The following ARB2A variants were observed in gnomAD, a reference collection of about 807,000 sequenced individuals.
The protein encoded by ARB2A is ARB2 cotranscriptional regulator A.
chr5:93,763,938 C>T, the ARB2A span, among the ~76,000 whole-genome samples: 1 of 152,154 alleles, frequency 6.6e-6, no homozygotes, highest in African/African-American at 2.4e-5. Context: ...CAACCTGCTC[C>T]TGAATGACTA....
At chr5:93,980,709 T>C in the ARB2A span, among the ~76,000 whole-genome samples, 1 of 152,192 alleles carries the variant, frequency 6.6e-6, no homozygotes, top group Non-Finnish European at 1.5e-5. Flanking sequence ...TTCAGCTATG[T>C]CTAATCTTCT....
the ARB2A span, among the ~76,000 whole-genome samples, chr5:93,717,315 A>C: frequency 1.3e-5 from 2 of 152,144 alleles, no homozygotes; most frequent in Non-Finnish European, 2.9e-5. Flanking sequence ...AGTGGTCATG[A>C]CCAATAGGTC....
At chr5:93,665,947 T>A in the ARB2A span, among the ~76,000 whole-genome samples, 1 of 152,208 alleles carries the variant, frequency 6.6e-6, no homozygotes, top group Non-Finnish European at 1.5e-5. Flanking sequence ...CAGCCAGGTC[T>A]AAGCTTGTCT....
At chr5:93,795,956 C>A in the ARB2A span, among the ~76,000 whole-genome samples, 1 of 151,842 alleles carries the variant, frequency 6.6e-6, no homozygotes, top group Non-Finnish European at 1.5e-5. Context: ...TCAGATAAAG[C>A]AAGTTATACC....
the ARB2A span, among the ~76,000 whole-genome samples, chr5:94,012,641 A>G: frequency 6.6e-6 from 1 of 152,096 alleles, no homozygotes; most frequent in Admixed American, 6.6e-5. Context: ...GCGACTCAAG[A>G]GCAGAACTGT....
the ARB2A span, among the ~76,000 whole-genome samples, chr5:93,877,670 A>G: frequency 9.9e-5 from 15 of 152,276 alleles, no homozygotes; most frequent in South Asian, 3.1e-3. Context: ...TCAAGACAGT[A>G]CCTGGTAAAT....
the ARB2A span, among the ~76,000 whole-genome samples, chr5:93,840,862 T>C: frequency 6.6e-6 from 1 of 152,132 alleles, no homozygotes; most frequent in Non-Finnish European, 1.5e-5. Context: ...ATACTAACTA[T>C]CCCTTTAAAT....
At chr5:93,649,454 A>C in the ARB2A span, among the ~76,000 whole-genome samples, 1 of 152,168 alleles carries the variant, frequency 6.6e-6, no homozygotes, top group South Asian at 2.1e-4. Flanking sequence ...CCCAAGCAGA[A>C]GGCTGCAATT....
At chr5:93,853,442 C>G in the ARB2A span, among the ~76,000 whole-genome samples, 1 of 152,062 alleles carries the variant, frequency 6.6e-6, no homozygotes, top group Non-Finnish European at 1.5e-5. Context: ...AATTGAATAC[C>G]CTTTATTTCC....
chr5:94,092,857 A>G, the ARB2A span, among the ~76,000 whole-genome samples: 275 of 152,284 alleles, frequency 1.8e-3, 4 homozygotes, highest in African/African-American at 6.4e-3. Flanking sequence ...CTACAGCCCT[A>G]CAAATACCTC....
chr5:93,876,482 CTAA>C, the ARB2A span, among the ~76,000 whole-genome samples: 1 of 152,024 alleles, frequency 6.6e-6, no homozygotes, highest in Non-Finnish European at 1.5e-5. Context: ...TGCTCTGCTC[CTAA>C]TGTCTCAGAA....
chr5:93,999,644 T>A, the ARB2A span, among the ~76,000 whole-genome samples: 6 of 152,084 alleles, frequency 3.9e-5, no homozygotes, highest in South Asian at 1.2e-3. Flanking sequence ...ATACATTGAC[T>A]GCAATTGATG....
the ARB2A span, chr5:93,741,496 C>T: frequency 6.2e-7 from 1 of 1,612,134 alleles, no homozygotes; most frequent in Non-Finnish European, 8.5e-7. Context: ...GGGCATCGGC[C>T]CTCTGGGGCC....
At chr5:93,964,378 T>A in the ARB2A span, 1 of 1,093,112 alleles carries the variant, frequency 9.1e-7, no homozygotes, top group Non-Finnish European at 1.3e-6. Context: ...AAAACAAAAG[T>A]TTTCTTCTGA....
chr5:94,102,302 A>C, the ARB2A span, among the ~76,000 whole-genome samples: 2 of 152,092 alleles, frequency 1.3e-5, no homozygotes, highest in African/African-American at 2.4e-5. Context: ...CAAGAACTTA[A>C]AGATGAAATA....
chr5:94,056,892 G>A, the ARB2A span, among the ~76,000 whole-genome samples: 1 of 152,166 alleles, frequency 6.6e-6, no homozygotes, highest in African/African-American at 2.4e-5. Flanking sequence ...GATGTTTCTG[G>A]ATAGGATTAA....
chr5:93,629,399 G>T, the ARB2A span, among the ~76,000 whole-genome samples: 1 of 152,100 alleles, frequency 6.6e-6, no homozygotes. Context: ...AGCACATGCT[G>T]ATTTTTTTTT....
At chr5:93,766,633 A>G in the ARB2A span, among the ~76,000 whole-genome samples, 16 of 152,282 alleles carry the variant, frequency 1.1e-4, no homozygotes, top group South Asian at 1.9e-3. Context: ...CAGTGTGGCA[A>G]TTCCTCAGGG....
the ARB2A span, among the ~76,000 whole-genome samples, chr5:93,983,465 C>A: frequency 6.6e-6 from 1 of 151,958 alleles, no homozygotes; most frequent in Non-Finnish European, 1.5e-5. Flanking sequence ...AGCAATAGAT[C>A]ATATCACCTT....
Sources: allele counts gnomAD v4.1 joint callset (sites outside exome capture counted in the v4.1 genomes callset), GRCh38; gene constraint gnomAD v4.1.1; transcripts MANE v1.5; gene names NCBI Gene and HGNC (gene_info 2026-07-23, HGNC 2026-07-21).